Variants in LINGO1 observed in about 807,000 individuals in gnomAD.
The protein encoded by LINGO1 is leucine-rich repeat and immunoglobulin-like domain-containing nogo receptor-interacting protein 1.
LINGO1 carries 11 observed loss-of-function variants against 37.3 expected under a neutral mutation model. The ratio of observed to expected loss-of-function variants is 0.29; its 90% CI spans 0.19 to 0.49. The LOEUF (loss-of-function observed/expected upper bound fraction) is 0.49. LINGO1 is among the 20% of genes least tolerant of loss of function. LINGO1 has a pLI of 0.99. For synonymous variants in LINGO1, 387 were observed against 403.0 expected, an observed-to-expected ratio of 0.96 and a Z score of 0.48; for missense variants, 585 against 878.2, an observed-to-expected ratio of 0.67 and a Z score of 4.22.
rs1285898767 is a variant in LINGO1, at chr15:77,652,529, TG to T, written c.-13+24559del. ...GTGTGTGTGTGTGTGTGTGTGTGTG[TG>T]TTGCCAGAATACGGAAATCACATTT... On this transcript the variant is annotated intron_variant, in intron 3 of 3. Coordinates refer to the LINGO1 transcript ENST00000559893. Among the ~76,000 whole-genome samples, 922 of 149,182 alleles carry T rather than the reference TG, an allele frequency of 6.2e-3. 7 individuals carry two copies. Among genetic ancestry groups the T allele is most frequent in the African/African-American group, 0.022 (877 of 40,158 alleles).
chr15:77,712,107 C>A (rs760409135), intron 2 of LINGO1, among the ~76,000 whole-genome samples: 4 of 152,200 alleles, frequency 2.6e-5, no homozygotes, highest in African/African-American at 7.2e-5. Flanking sequence ...TCCTGCCCTG[C>A]ACCTCAACCC....
In LINGO1 at chr15:77,682,214, C is replaced by T. The variant is rs2075427115; in HGVS notation, c.-98-5040G>A. ...TAACTCTGTGACCTTCAGCAAATTA[C>T]CTAACCTTTCTGGGACTGGTTCCCT... On this transcript the variant is annotated intron_variant, in intron 2 of 3. Transcript: ENST00000559893. Among the ~76,000 whole-genome samples the T allele has an allele frequency of 2.0e-5, 3 of 151,862 alleles. No homozygotes were observed. In the South Asian group the frequency reaches 6.3e-4, roughly 32 times the overall value.
In LINGO1 at chr15:77,726,593, C is replaced by A. The variant is rs186820413; in HGVS notation, c.-195+8399G>T. Among the ~76,000 whole-genome samples the A allele has an allele frequency of 2.6e-4, 39 of 152,348 alleles. No individual in the cohort carries two copies. In the East Asian group the frequency reaches 5.8e-3, roughly 23 times the overall value. ...ACCTTACACCATATACAAAAATTAA[C>A]TTCAAATGGGTGAAAGACCTAAACA... On this transcript the variant is annotated intron_variant, in intron 2 of 3. Coordinates refer to the LINGO1 transcript ENST00000561686.
At chr15:77,794,578 A>G (rs2076855376) in intron 2 of LINGO1, among the ~76,000 whole-genome samples, 22 of 31,224 alleles carry the variant, frequency 7.0e-4, no homozygotes, top group Middle Eastern at 0.017. Flanking sequence ...ACACATATAT[A>G]TATATATATA....
chr15:77,763,216 T>A (rs56013767), intron 1 of LINGO1, among the ~76,000 whole-genome samples: 50,136 of 152,066 alleles, frequency 0.33, 8,705 homozygotes, highest in African/African-American at 0.41. Context: ...TGAAAGTGTA[T>A]GGATTTACAT....
chr15:77,755,724 T>C (rs919577053), intron 1 of LINGO1, among the ~76,000 whole-genome samples: 2 of 152,192 alleles, frequency 1.3e-5, no homozygotes, highest in Admixed American at 1.3e-4. Context: ...GCACCTACTA[T>C]GTGCTGGGCA....
intron 3 of LINGO1, among the ~76,000 whole-genome samples, chr15:77,663,795 G>A (rs982743871): frequency 2.0e-5 from 3 of 152,218 alleles, no homozygotes; most frequent in African/African-American, 7.2e-5. Context: ...AGTGGGGGAT[G>A]GGGAGAGCCT....
At position 77,805,815 on chromosome 15, in the gene LINGO1, G is replaced by A. The variant is rs148333448; in HGVS notation, c.-457-9762C>T. Among the ~76,000 whole-genome samples the A allele has an allele frequency of 3.0e-3, 451 of 152,256 alleles. 2 individuals are homozygous for A. The highest frequency in any genetic ancestry group is 5.3e-3 in the Non-Finnish European group (359 of 67,988). On this transcript the variant is annotated intron_variant, in intron 1 of 5. Transcript: ENST00000562933. Reference sequence around the variant, plus strand: ...AAGTGTGAGCTGGGCATTGATCAAGGAAGGTTTCTTGAAGGAGACAGGACA... The same window carrying A: ...AAGTGTGAGCTGGGCATTGATCAAGAAAGGTTTCTTGAAGGAGACAGGACA...
intron 1 of LINGO1, among the ~76,000 whole-genome samples, chr15:77,692,644 G>A: frequency 6.6e-6 from 1 of 152,200 alleles, no homozygotes; most frequent in African/African-American, 2.4e-5. Context: ...AGGCTTTTCT[G>A]CCAATTTCCC....
chr15:77,688,275 C>G (rs1450816817), intron 2 of LINGO1, among the ~76,000 whole-genome samples: 1 of 152,266 alleles, frequency 6.6e-6, no homozygotes, highest in African/African-American at 2.4e-5. Context: ...TACTCTCAAG[C>G]AGAGGGTCAA....
At chr15:77,733,310 C>T (rs1005967013) in intron 2 of LINGO1, among the ~76,000 whole-genome samples, 5 of 152,222 alleles carry the variant, frequency 3.3e-5, no homozygotes, top group South Asian at 2.1e-4. Flanking sequence ...CCAGGAAGGA[C>T]GGACGTGCCC....
chr15:77,634,420 C>T, upstream of LINGO1: 1 of 445,584 alleles, frequency 2.2e-6, no homozygotes. Flanking sequence ...TCCCTCCTAG[C>T]AGGCGTCCAT....
chr15:77,743,401 G>A lies in LINGO1; in HGVS notation c.-256-8348C>T, dbSNP rs1171942434. ...CCATTACAGGGAGTCAAGGGACTAA[G>A]AGGGGCACAGATTCTTGAGGGGACA... On this transcript the variant is annotated intron_variant, in intron 1 of 3. Coordinates refer to the LINGO1 transcript ENST00000561686. 2.6e-5 allele frequency among the ~76,000 whole-genome samples: 4 copies of A among 152,282 alleles called. No individual in the cohort carries two copies. The East Asian group carries it at 7.7e-4, about 30-fold the overall frequency.
At chr15:77,687,965 G>A (rs1478457343) in intron 2 of LINGO1, among the ~76,000 whole-genome samples, 3 of 152,170 alleles carry the variant, frequency 2.0e-5, no homozygotes, top group Non-Finnish European at 2.9e-5. Flanking sequence ...CTTGCGGACA[G>A]GCTCAACCCA....
chr15:77,624,732 A>C (rs1400794232), intron 1 of LINGO1, among the ~76,000 whole-genome samples: 1 of 149,636 alleles, frequency 6.7e-6, no homozygotes, highest in African/African-American at 2.5e-5. Context: ...TCTCGGGGGA[A>C]TCCTGGACCA....
At chr15:77,781,877 C>T (rs1444243128) in intron 1 of LINGO1, among the ~76,000 whole-genome samples, 1 of 152,248 alleles carries the variant, frequency 6.6e-6, no homozygotes, top group East Asian at 1.9e-4. Flanking sequence ...CTGCTGCCTC[C>T]CAGGTTCCTC....
chr15:77,794,303 T>TAC lies in LINGO1; in HGVS notation c.-343+1634_-343+1635dup, dbSNP rs1451015680. ...ATATATATATATGTATGTATATATA[T>TAC]ACATATATGTGTATATACATACATA... On this transcript the variant is annotated intron_variant, in intron 2 of 5. Coordinates refer to the LINGO1 transcript ENST00000562933. Among the ~76,000 whole-genome samples the TAC allele has an allele frequency of 3.2e-5, 4 of 125,230 alleles. 1 individual carries two copies. Among genetic ancestry groups the TAC allele is most frequent in the African/African-American group, 3.0e-5 (1 of 33,728 alleles). The allele number at this position is 125,230 out of a possible 152,430, so 82.2% of individuals were successfully genotyped here. A position where few individuals can be genotyped will look rare whatever the true frequency, so the allele number is the denominator to read the frequency against.
chr15:77,718,929 C>G (rs922717925), intron 2 of LINGO1, among the ~76,000 whole-genome samples: 1 of 150,716 alleles, frequency 6.6e-6, no homozygotes, highest in Admixed American at 6.6e-5. Context: ...TCATTTCTAG[C>G]AGCAAGAGAG....
Position 77,614,032 on chromosome 15 carries a change from C to T in LINGO1, c.*12G>A, listed in dbSNP as rs1381424314. On this transcript the variant is annotated 3_prime_UTR_variant, in exon 2 of 2. Coordinates refer to ENST00000355300, the MANE Select transcript of LINGO1 (RefSeq NM_032808.7). ...CCCGGCCGCCCGGGGGTCCCTGCCC[C>T]CCGCCCCGGCCTCATATCATCTTCA... is the stretch of plus-strand genomic sequence containing the variant. 1.9e-5 allele frequency: 30 copies of T among 1,553,444 alleles called. No homozygotes were observed. In the East Asian group the frequency reaches 7.0e-4, roughly 36 times the overall value.
Sources: allele counts gnomAD v4.1 joint callset (sites outside exome capture counted in the v4.1 genomes callset), GRCh38; gene constraint gnomAD v4.1.1; transcripts MANE v1.5; gene names NCBI Gene and HGNC (gene_info 2026-07-23, HGNC 2026-07-21).